The following PCDH15 variants were observed in gnomAD, a reference collection of about 807,000 sequenced individuals.
PCDH15 encodes protocadherin-15.
In PCDH15, 129 loss-of-function variants were observed where a neutral mutation model predicts 178.5. The ratio of observed to expected loss-of-function variants is 0.72; its 90% CI spans 0.63 to 0.84. The LOEUF is 0.84. PCDH15 is among the 40% of genes least tolerant of loss of function. The probability of loss-of-function intolerance (pLI) is 0.00; values close to 1 mark genes in which losing one functional copy is unlikely to be tolerated. For missense variants in PCDH15, 2,230 were observed against 2,099.9 expected (o/e 1.06, Z -1.21); for synonymous variants, 800 against 732.0 (o/e 1.09, Z -1.50).
intron 2 of PCDH15, among the ~76,000 whole-genome samples, chr10:54,577,397 T>C (rs971726239): frequency 4.6e-5 from 7 of 151,938 alleles, no homozygotes; most frequent in Non-Finnish European, 1.0e-4. Flanking sequence ...CGGCTGAAAA[T>C]TTTAATTTCT....
chr10:54,875,118 C>T (rs1591757420), intron 3 of PCDH15, among the ~76,000 whole-genome samples: 2 of 152,134 alleles, frequency 1.3e-5, no homozygotes, highest in East Asian at 3.9e-4. Flanking sequence ...ACAGCACGTG[C>T]TCATTTCATG....
intron 2 of PCDH15, among the ~76,000 whole-genome samples, chr10:55,041,789 A>T (rs563519275): frequency 6.6e-6 from 1 of 152,266 alleles, no homozygotes; most frequent in South Asian, 2.1e-4. Flanking sequence ...TTTAGAAATA[A>T]ACTTTTTTAG....
At chr10:54,626,929 C>A (rs935579852) in intron 2 of PCDH15, among the ~76,000 whole-genome samples, 1 of 152,170 alleles carries the variant, frequency 6.6e-6, no homozygotes, top group Non-Finnish European at 1.5e-5. Context: ...GGGAACTCAC[C>A]TCTTCCATCA....
At chr10:55,012,818 C>T (rs1840079407) in intron 2 of PCDH15, among the ~76,000 whole-genome samples, 1 of 151,860 alleles carries the variant, frequency 6.6e-6, no homozygotes, top group South Asian at 2.1e-4. Context: ...AGAATCTCTC[C>T]TTAAAAAAAG....
chr10:55,022,998 G>A (rs1277041509), intron 2 of PCDH15, among the ~76,000 whole-genome samples: 1 of 151,922 alleles, frequency 6.6e-6, no homozygotes, highest in Non-Finnish European at 1.5e-5. Context: ...CTGGAGTGCA[G>A]TGGCTCCATC....
At chr10:54,052,145 A>C (rs746950262) in intron 18 of PCDH15, among the ~76,000 whole-genome samples, 4 of 152,200 alleles carry the variant, frequency 2.6e-5, no homozygotes, top group African/African-American at 7.2e-5. Flanking sequence ...TGCAGAAAGG[A>C]AACATGTGGT....
chr10:54,433,831 A>G (rs2075186724), intron 3 of PCDH15, among the ~76,000 whole-genome samples: 1 of 152,130 alleles, frequency 6.6e-6, no homozygotes, highest in African/African-American at 2.4e-5. Flanking sequence ...CCTATTATGT[A>G]CCCAAAAATA....
At chr10:54,847,685 A>G (rs372774878) in intron 3 of PCDH15, among the ~76,000 whole-genome samples, 99 of 152,320 alleles carry the variant, frequency 6.5e-4, no homozygotes, top group African/African-American at 2.2e-3. Context: ...TCTACTTACA[A>G]ATTAAATTTG....
At chr10:54,577,546 T>A (rs2090610108) in intron 2 of PCDH15, among the ~76,000 whole-genome samples, 1 of 151,766 alleles carries the variant, frequency 6.6e-6, no homozygotes, top group East Asian at 1.9e-4. Flanking sequence ...GAAAAAAAAA[T>A]AAGTCAAGAT....
chr10:54,247,881 A>ATATATAT (rs1554857290), intron 8 of PCDH15, among the ~76,000 whole-genome samples: 1 of 148,554 alleles, frequency 6.7e-6, no homozygotes, highest in African/African-American at 2.5e-5. Context: ...AAAAAAAAGA[A>ATATATAT]ATATGTATAT....
chr10:53,876,572 A>G (rs982429401), intron 26 of PCDH15, among the ~76,000 whole-genome samples: 2 of 152,080 alleles, frequency 1.3e-5, no homozygotes, highest in African/African-American at 4.8e-5. Context: ...AAATATGAAT[A>G]AGAAAAATGT....
At chr10:55,584,565 G>T (rs977029717) in intron 2 of PCDH15, among the ~76,000 whole-genome samples, 2 of 140,216 alleles carry the variant, frequency 1.4e-5, no homozygotes, top group African/African-American at 5.4e-5. Flanking sequence ...GCTGAGGCAG[G>T]AAAATTACTT....
At chr10:55,621,029 T>C (rs1355385241) in intron 2 of PCDH15, among the ~76,000 whole-genome samples, 3 of 151,902 alleles carry the variant, frequency 2.0e-5, no homozygotes, top group South Asian at 2.1e-4. Flanking sequence ...ATATATATTA[T>C]GTTTATGTTA....
chr10:54,847,533 A>G (rs1397180680), intron 3 of PCDH15, among the ~76,000 whole-genome samples: 2 of 152,090 alleles, frequency 1.3e-5, no homozygotes, highest in African/African-American at 4.8e-5. Flanking sequence ...TCCACCTAGA[A>G]TCTCAGGAAT....
intron 27 of PCDH15, among the ~76,000 whole-genome samples, 183 bp from the exon 28 acceptor site, chr10:53,857,446 G>A (rs2078829583): frequency 6.6e-6 from 1 of 152,026 alleles, no homozygotes; most frequent in African/African-American, 2.4e-5. Context: ...GAGACTAACT[G>A]GGGCAGACTG....
intron 2 of PCDH15, among the ~76,000 whole-genome samples, chr10:54,546,234 G>C (rs1392519638): frequency 6.6e-6 from 1 of 152,084 alleles, no homozygotes; most frequent in African/African-American, 2.4e-5. Context: ...AGGCTACCTG[G>C]ATTCTATGAA....
intron 1 of PCDH15, among the ~76,000 whole-genome samples, chr10:54,794,533 C>A (rs1951770355): frequency 6.6e-6 from 1 of 151,644 alleles, no homozygotes; most frequent in Non-Finnish European, 1.5e-5. Context: ...GCTAATGTTC[C>A]AAATGGAGTA....
rs10509012 is a variant in PCDH15, at chr10:54,367,074, T to A, written c.474+2046A>T. Among the ~76,000 whole-genome samples, 105 of 152,138 alleles carry A rather than the reference T, an allele frequency of 6.9e-4. 1 individual carries two copies. The highest frequency in any genetic ancestry group is 2.3e-3 in the African/African-American group (94 of 41,512). The stretch of plus-strand genomic sequence containing the variant: ...ATAAAAATAAATCAAGTAAAAGAGA[T>A]GAACAAAATTTTGAGACTTGCATGG... On this transcript the variant is annotated intron_variant, in intron 5 of 37. Coordinates refer to ENST00000644397, the MANE Select transcript of PCDH15 (RefSeq NM_001384140.1).
At chr10:54,110,126 G>A (rs561277322) in intron 15 of PCDH15, among the ~76,000 whole-genome samples, 2 of 152,216 alleles carry the variant, frequency 1.3e-5, no homozygotes, top group African/African-American at 4.8e-5. Flanking sequence ...GGTGGGGTGA[G>A]GGCTGCATCT....
Sources: gnomAD v4.1 joint callset for allele counts (sites outside exome capture counted in the v4.1 genomes callset) on GRCh38, gnomAD v4.1.1 for gene constraint, MANE v1.5 for transcripts, NCBI Gene and HGNC (gene_info 2026-07-23, HGNC 2026-07-21) for gene names.